GSTCD: variants seen among roughly 807,000 people sequenced by gnomAD.
The protein encoded by GSTCD is glutathione S-transferase C-terminal domain-containing protein.
GSTCD carries 44 observed loss-of-function variants against 68.3 expected under a neutral mutation model. The ratio of observed to expected loss-of-function variants is 0.64; its 90% confidence interval spans 0.51 to 0.83. The LOEUF (loss-of-function observed/expected upper bound fraction) is 0.83, where lower values mean the gene tolerates loss of function less well. Among genes scored for constraint, GSTCD ranks in the 40% least tolerant of loss-of-function variants. The pLI is 0.00. For synonymous variants in GSTCD, 273 were observed against 255.2 expected (o/e 1.07, Z -0.67); for missense variants, 739 against 735.9 (o/e 1.00, Z -0.05).
intron 5 of GSTCD, among the ~76,000 whole-genome samples, chr4:105,821,590 A>C (rs369773286): frequency 1.3e-5 from 2 of 151,952 alleles, no homozygotes; most frequent in South Asian, 4.1e-4. Context: ...TGACAAAAGA[A>C]TCAGCTGTGT....
rs943464617 is a variant in GSTCD, at chr4:105,846,387, TAAATA to T, written c.*813_*817del. 4 of 152,068 alleles carry T rather than the reference TAAATA, an allele frequency of 2.6e-5. No individual in the cohort carries two copies. The highest frequency in any genetic ancestry group is 7.2e-5 in the African/African-American group (3 of 41,410). The allele number at this position is 152,068 out of a possible 1,614,324, so 9.4% of individuals were successfully genotyped here. A position where few individuals can be genotyped will look rare whatever the true frequency, so the allele number is the denominator to read the frequency against. On this transcript the variant is annotated 3_prime_UTR_variant, in exon 12 of 12. Transcript: ENST00000515279. ...ATGAATTAATAAACAAATAAATAAATAAATAAATTTCCCATAAATTACCAAATGAG... is the reference window on the plus strand; with the variant it reads ...ATGAATTAATAAACAAATAAATAAATAATTTCCCATAAATTACCAAATGAG...
intron 5 of GSTCD, among the ~76,000 whole-genome samples, chr4:105,730,358 A>G (rs1216561705): frequency 6.6e-6 from 1 of 152,236 alleles, no homozygotes. Flanking sequence ...CAGTCCCACC[A>G]ACAGTGTAAA....
intron 5 of GSTCD, among the ~76,000 whole-genome samples, chr4:105,800,802 T>C (rs1013524328): frequency 6.6e-6 from 1 of 152,172 alleles, no homozygotes; most frequent in Non-Finnish European, 1.5e-5. Context: ...TGGGGAAATA[T>C]AGGGTTAGGT....
At chr4:105,813,928 G>A (rs1311679459) in intron 5 of GSTCD, among the ~76,000 whole-genome samples, 1 of 152,128 alleles carries the variant, frequency 6.6e-6, no homozygotes, top group Non-Finnish European at 1.5e-5. Context: ...TCACTGGAAT[G>A]TAAACATCAC....
chr4:105,721,258 C>T (rs1732850833), intron 3 of GSTCD, among the ~76,000 whole-genome samples: 1 of 152,062 alleles, frequency 6.6e-6, no homozygotes, highest in African/African-American at 2.4e-5. Flanking sequence ...TTGATAAACC[C>T]TTGATATTTG....
At chr4:105,752,757 C>A in intron 5 of GSTCD, among the ~76,000 whole-genome samples, 1 of 152,014 alleles carries the variant, frequency 6.6e-6, no homozygotes, top group East Asian at 1.9e-4. Flanking sequence ...TTCAAATTAT[C>A]CATTCAAAGG....
chr4:105,800,599 A>G (rs1347026805), intron 5 of GSTCD, among the ~76,000 whole-genome samples: 1 of 152,222 alleles, frequency 6.6e-6, no homozygotes, highest in Admixed American at 6.5e-5. Context: ...AATGTGTATG[A>G]CACAAAATGC....
chr4:105,736,081 T>C (rs1324681395), intron 5 of GSTCD, among the ~76,000 whole-genome samples: 1 of 152,164 alleles, frequency 6.6e-6, no homozygotes, highest in African/African-American at 2.4e-5. Context: ...GAAATAATTA[T>C]TGGTTTGTTT....
intron 5 of GSTCD, among the ~76,000 whole-genome samples, chr4:105,796,473 ATT>A (rs980871160): frequency 2.0e-5 from 3 of 151,980 alleles, no homozygotes; most frequent in African/African-American, 7.2e-5. Flanking sequence ...ATTTTAGCTG[ATT>A]TTTATGTTTT....
intron 5 of GSTCD, among the ~76,000 whole-genome samples, chr4:105,752,645 G>T (rs917434149): frequency 6.6e-6 from 1 of 151,892 alleles, no homozygotes; most frequent in Middle Eastern, 3.2e-3. Flanking sequence ...AGGAGATTTG[G>T]GTTTGGTTTT....
intron 5 of GSTCD, among the ~76,000 whole-genome samples, chr4:105,786,733 G>A (rs1003619149): frequency 6.6e-6 from 1 of 152,076 alleles, no homozygotes; most frequent in African/African-American, 2.4e-5. Flanking sequence ...CTAAGCACAT[G>A]AATATATGCT....
intron 10 of GSTCD, among the ~76,000 whole-genome samples, chr4:105,838,808 T>C (rs1724222692): frequency 1.3e-5 from 2 of 152,362 alleles, no homozygotes; most frequent in South Asian, 2.1e-4. Flanking sequence ...GAGAAAAATA[T>C]ATAAATAATT....
chr4:105,769,647 G>A (rs918691248), intron 5 of GSTCD, among the ~76,000 whole-genome samples: 5 of 151,930 alleles, frequency 3.3e-5, no homozygotes, highest in African/African-American at 1.2e-4. Flanking sequence ...TTTCCTGGCT[G>A]GTATAGTTTA....
intron 5 of GSTCD, among the ~76,000 whole-genome samples, chr4:105,750,606 C>T (rs1733980677): frequency 6.6e-6 from 1 of 151,912 alleles, no homozygotes; most frequent in South Asian, 2.1e-4. Context: ...CAAAACTGAA[C>T]ATGCAACTAG....
chr4:105,767,060 T>C (rs1324428742), intron 5 of GSTCD, among the ~76,000 whole-genome samples: 1 of 152,010 alleles, frequency 6.6e-6, no homozygotes, highest in Non-Finnish European at 1.5e-5. Context: ...CAGAATATGT[T>C]GAGAGTGATT....
At chr4:105,735,456 G>A (rs1211840113) in intron 5 of GSTCD, among the ~76,000 whole-genome samples, 1 of 152,214 alleles carries the variant, frequency 6.6e-6, no homozygotes, top group Non-Finnish European at 1.5e-5. Context: ...GGCTCCGTTG[G>A]CGTGGGACCA....
At chr4:105,713,376 G>C (rs549063531) in intron 1 of GSTCD, among the ~76,000 whole-genome samples, 1 of 152,270 alleles carries the variant, frequency 6.6e-6, no homozygotes, top group Non-Finnish European at 1.5e-5. Flanking sequence ...CTTTGGAATG[G>C]AAGTTTATAT....
chr4:105,723,430 T>C (rs921983149), intron 3 of GSTCD, among the ~76,000 whole-genome samples: 45 of 152,048 alleles, frequency 3.0e-4, no homozygotes, highest in Middle Eastern at 6.8e-3. Context: ...CTGACTTTTT[T>C]CTTGTCGTGA....
intron 5 of GSTCD, among the ~76,000 whole-genome samples, chr4:105,776,412 G>C (rs1407929418): frequency 2.0e-5 from 3 of 152,140 alleles, no homozygotes; most frequent in Non-Finnish European, 2.9e-5. Context: ...AGCTAGCTCT[G>C]TGTCTACCCA....
Sources: allele counts gnomAD v4.1 joint callset (sites outside exome capture counted in the v4.1 genomes callset), GRCh38; gene constraint gnomAD v4.1.1; transcripts MANE v1.5; gene names NCBI Gene and HGNC (gene_info 2026-07-23, HGNC 2026-07-21).